Variants in PPM1B observed in about 807,000 individuals in gnomAD.
PPM1B encodes the protein protein phosphatase 1B.
In PPM1B, 22 loss-of-function variants were observed where a neutral mutation model predicts 43.0. The ratio of observed to expected loss-of-function variants is 0.51; its 90% confidence interval spans 0.37 to 0.73. The LOEUF (loss-of-function observed/expected upper bound fraction) is 0.73, where lower values mean the gene tolerates loss of function less well. Among genes scored for constraint, PPM1B ranks in the 30% least tolerant of loss-of-function variants. The pLI is 0.00. For missense variants in PPM1B, 632 were observed against 584.2 expected (o/e 1.08, Z -0.84); for synonymous variants, 217 against 197.9 (o/e 1.10, Z -0.81).
At chr2:44,173,441 C>A (rs1667443707) in intron 1 of PPM1B, among the ~76,000 whole-genome samples, 1 of 151,936 alleles carries the variant, frequency 6.6e-6, no homozygotes, top group African/African-American at 2.4e-5. Flanking sequence ...AGATCTCATA[C>A]TTCGTAGTTT....
chr2:44,234,747 G>A (rs1236848191), downstream of PPM1B: 4 of 265,744 alleles, frequency 1.5e-5, no homozygotes, highest in African/African-American at 6.9e-5. Flanking sequence ...GGATACTATC[G>A]ATATTTACTA....
At chr2:44,235,374 C>T (rs759306286), downstream of PPM1B, among the ~76,000 whole-genome samples, 4 of 152,138 alleles carry the variant, frequency 2.6e-5, no homozygotes, top group Non-Finnish European at 4.4e-5. Flanking sequence ...GAGGCCGAGG[C>T]AGGCAGATCA....
chr2:44,245,400 C>G (rs1670837560), downstream of PPM1B, among the ~76,000 whole-genome samples: 2 of 152,128 alleles, frequency 1.3e-5, no homozygotes, highest in African/African-American at 2.4e-5. Context: ...CTCTGCCTGT[C>G]GTGTTGCATC....
downstream of PPM1B, chr2:44,234,557 G>T: frequency 3.0e-6 from 3 of 985,486 alleles, no homozygotes; most frequent in South Asian, 4.7e-5. Flanking sequence ...TTTCCGGCAG[G>T]GGGCAGGGTG....
intron 2 of PPM1B, among the ~76,000 whole-genome samples, chr2:44,208,154 C>T (rs571585099): frequency 6.6e-6 from 1 of 152,100 alleles, no homozygotes; most frequent in Non-Finnish European, 1.5e-5. Flanking sequence ...TCCCAAAGTG[C>T]TGGGATTACA....
chr2:44,201,638 A>T lies in PPM1B; in HGVS notation c.439A>T (p.Ile147Phe). The T allele has an allele frequency of 1.9e-6, 3 of 1,614,202 alleles. No individual in the cohort carries two copies. The highest frequency in any genetic ancestry group is 2.5e-6 in the Non-Finnish European group (3 of 1,180,022). The change falls in exon 2 of 6, where the codon ATC becomes TTC. Residue 147 changes from isoleucine (I) to phenylalanine (F), a missense_variant. This residue lies in a region of PPM1B where 200 missense variants were observed against 200.7 expected (regional missense o/e 1.00). Coordinates refer to ENST00000282412, the MANE Select transcript of PPM1B (RefSeq NM_002706.6). The surrounding 1 kb of genome is among the most constrained non-coding windows in gnomAD (Gnocchi z 5.4). ...GATTTCACCTAAGCATATCTACTTTATCAACTGTGGTGATTCACGTGCTGT... is the reference window on the plus strand; with the variant it reads ...GATTTCACCTAAGCATATCTACTTTTTCAACTGTGGTGATTCACGTGCTGT... ...VMISPKHIYF[I>F]NCGDSRAVLY...
chr2:44,175,230 G>A (rs1234959050), intron 1 of PPM1B, among the ~76,000 whole-genome samples: 1 of 152,032 alleles, frequency 6.6e-6, no homozygotes, highest in Non-Finnish European at 1.5e-5. Flanking sequence ...TTCCAGCCTG[G>A]GCAAAAGTGA....
chr2:44,174,655 A>G (rs1667496849), intron 1 of PPM1B, among the ~76,000 whole-genome samples: 1 of 152,250 alleles, frequency 6.6e-6, no homozygotes, highest in African/African-American at 2.4e-5. Context: ...GATCAATAAT[A>G]TGTAGAGTAA....
At chr2:44,192,610 T>C (rs1166688395) in intron 1 of PPM1B, among the ~76,000 whole-genome samples, 1 of 152,254 alleles carries the variant, frequency 6.6e-6, no homozygotes, top group African/African-American at 2.4e-5. Context: ...ATGTATGCAG[T>C]GTAAAATGAT....
chr2:44,240,286 TTG>T (rs1409461294), intron 5 of PPM1B, among the ~76,000 whole-genome samples: 1 of 146,216 alleles, frequency 6.8e-6, no homozygotes, highest in Non-Finnish European at 1.5e-5. Flanking sequence ...TATAATTATT[TTG>T]TGTGTTTCTG....
chr2:44,196,527 A>C (rs1668671735), intron 1 of PPM1B, among the ~76,000 whole-genome samples: 1 of 152,236 alleles, frequency 6.6e-6, no homozygotes, highest in African/African-American at 2.4e-5. Flanking sequence ...CCTCGTTTTC[A>C]TTTTGTACTT....
intron 2 of PPM1B, among the ~76,000 whole-genome samples, chr2:44,208,665 A>G (rs1669308444): frequency 6.6e-6 from 1 of 152,196 alleles, no homozygotes; most frequent in African/African-American, 2.4e-5. Flanking sequence ...GTGAGCCAAG[A>G]TTGCGCCATT....
intron 2 of PPM1B, among the ~76,000 whole-genome samples, chr2:44,208,034 G>A (rs1558414250): frequency 1.3e-5 from 2 of 151,616 alleles, no homozygotes; most frequent in South Asian, 2.1e-4. Flanking sequence ...TATTACAGGT[G>A]CGCGCCACCA....
chr2:44,175,854 C>T (rs943521655), intron 1 of PPM1B, among the ~76,000 whole-genome samples: 2 of 147,694 alleles, frequency 1.4e-5, no homozygotes, highest in African/African-American at 2.5e-5. Context: ...GGTATGATCT[C>T]GGCTCACTGC....
chr2:44,202,409 A>G (rs1668982793), intron 2 of PPM1B, among the ~76,000 whole-genome samples: 1 of 152,356 alleles, frequency 6.6e-6, no homozygotes, highest in South Asian at 2.1e-4. Flanking sequence ...TGTACTAGAT[A>G]TTACTAAAAG....
intron 3 of PPM1B, among the ~76,000 whole-genome samples, chr2:44,217,486 A>G (rs1158982672): frequency 2.0e-5 from 3 of 150,904 alleles, no homozygotes; most frequent in Admixed American, 6.6e-5. Flanking sequence ...CCTTTTTCTT[A>G]TAATTCTTAT....
intron 5 of PPM1B, among the ~76,000 whole-genome samples, chr2:44,243,261 A>G (rs937831707): frequency 2.0e-5 from 3 of 152,344 alleles, no homozygotes; most frequent in East Asian, 1.9e-4. Flanking sequence ...TTTACCCTTC[A>G]TATACACTTT....
At position 44,231,426 on chromosome 2, in the gene PPM1B, TTA is replaced by T. The variant is rs1333350431; in HGVS notation, c.*711_*712del. 7.7e-5 allele frequency: 75 copies of T among 974,172 alleles called. No individual in the cohort carries two copies. The highest frequency in any genetic ancestry group is 8.9e-5 in the Non-Finnish European group (73 of 819,796). The allele number at this position is 974,172 out of a possible 1,614,324, so 60.3% of individuals were successfully genotyped here. On this transcript the variant is annotated 3_prime_UTR_variant, in exon 6 of 6. Coordinates refer to ENST00000282412, the MANE Select transcript of PPM1B (RefSeq NM_002706.6). ...TGTCAACCAAGTGTTTAGAATGAAATTATAAGTGTTTAAGTCCAAATAAAGCA... is the reference window on the plus strand; with the variant it reads ...TGTCAACCAAGTGTTTAGAATGAAATTAAGTGTTTAAGTCCAAATAAAGCA...
At chr2:44,211,210 A>G (rs114468567) in intron 3 of PPM1B, among the ~76,000 whole-genome samples, 3 of 152,322 alleles carry the variant, frequency 2.0e-5, no homozygotes, top group African/African-American at 4.8e-5. Flanking sequence ...AAATTTCCCT[A>G]ATTATCCCAG....
Sources: allele counts gnomAD v4.1 joint callset (sites outside exome capture counted in the v4.1 genomes callset), GRCh38; gene constraint gnomAD v4.1.1; regional missense constraint gnomAD v4.1.1; non-coding constraint Gnocchi (gnomAD v3.1); transcripts MANE v1.5; gene names NCBI Gene and HGNC (gene_info 2026-07-23, HGNC 2026-07-21).